VRK2: variants seen among roughly 807,000 people sequenced by gnomAD.
VRK2 encodes the protein serine/threonine-protein kinase VRK2.
In VRK2, 60 loss-of-function variants were observed where a neutral mutation model predicts 57.6. That is an observed-to-expected ratio of 1.04 (90% CI 0.85 to 1.29). The LOEUF (loss-of-function observed/expected upper bound fraction) is 1.29, where lower values mean the gene tolerates loss of function less well. Among genes scored for constraint, VRK2 ranks in the 50% most tolerant of loss-of-function variants. VRK2 has a pLI of 0.00. For missense variants in VRK2, 705 were observed against 588.1 expected (o/e 1.20, Z -2.06); for synonymous variants, 231 against 199.2 (o/e 1.16, Z -1.35).
chr2:58,080,436 C>T (rs1670699072), intron 2 of VRK2, among the ~76,000 whole-genome samples: 1 of 151,856 alleles, frequency 6.6e-6, no homozygotes, highest in African/African-American at 2.4e-5. Context: ...CTTGCCTATA[C>T]ATTATGGGAC....
At chr2:58,072,660 C>G (rs1669516466) in intron 2 of VRK2, among the ~76,000 whole-genome samples, 1 of 151,680 alleles carries the variant, frequency 6.6e-6, no homozygotes, top group Non-Finnish European at 1.5e-5. Flanking sequence ...ATTTGATTTG[C>G]TAATGTTTTG....
chr2:58,148,597 A>G (rs1187800069), intron 12 of VRK2, among the ~76,000 whole-genome samples: 5 of 151,738 alleles, frequency 3.3e-5, no homozygotes, highest in East Asian at 3.9e-4. Context: ...ACCTTTGCCT[A>G]CCTCAAGGTC....
rs397868874 is a variant in VRK2, at chr2:58,120,184, C to CTTTTTTTTTTTTTTTTTTTTTTTTTTTTT, written c.544-2893_544-2892insTTTTTTTTTTTTTTTTTTTTTTTTTTTTT. Among the ~76,000 whole-genome samples, 55 of 51,980 alleles carry CTTTTTTTTTTTTTTTTTTTTTTTTTTTTT rather than the reference C, an allele frequency of 1.1e-3. 12 individuals carry two copies. Among genetic ancestry groups the CTTTTTTTTTTTTTTTTTTTTTTTTTTTTT allele is most frequent in the African/African-American group, 4.3e-3 (41 of 9,642 alleles). 34.1% of individuals were successfully genotyped at this position (51,980 alleles called of 152,430 possible). ...CTTTTTGTCTATTTTTTTTTCTTTTCTTTTTTTTTTTTTTTTTTTTTTTTG... is the reference window on the plus strand; with the variant it reads ...CTTTTTGTCTATTTTTTTTTCTTTTCTTTTTTTTTTTTTTTTTTTTTTTTTTTTTTTTTTTTTTTTTTTTTTTTTTTTTG... On this transcript the variant is annotated intron_variant, in intron 7 of 12. Coordinates refer to ENST00000340157, the MANE Select transcript of VRK2 (RefSeq NM_006296.7).
intron 2 of VRK2, among the ~76,000 whole-genome samples, chr2:58,064,399 C>T (rs549890438): frequency 6.6e-6 from 1 of 152,212 alleles, no homozygotes; most frequent in African/African-American, 2.4e-5. Context: ...CAGCAGCTAT[C>T]CACATCAAGA....
chr2:57,976,485 T>C (rs939396114), intron 1 of VRK2, among the ~76,000 whole-genome samples: 2 of 152,112 alleles, frequency 1.3e-5, no homozygotes, highest in Non-Finnish European at 2.9e-5. Context: ...TTTTTTCGTA[T>C]GCTTGTTAGC....
intron 1 of VRK2, among the ~76,000 whole-genome samples, chr2:57,981,343 G>A (rs1389539021): frequency 6.6e-6 from 1 of 152,138 alleles, no homozygotes; most frequent in Non-Finnish European, 1.5e-5. Context: ...CTTCTACCCT[G>A]GGTGGGTGGA....
At chr2:57,967,242 G>T (rs1671949080) in intron 1 of VRK2, among the ~76,000 whole-genome samples, 1 of 152,104 alleles carries the variant, frequency 6.6e-6, no homozygotes, top group Admixed American at 6.6e-5. Flanking sequence ...GGGGCTAGGG[G>T]AGGGATAGCA....
intron 1 of VRK2, among the ~76,000 whole-genome samples, chr2:58,002,799 C>T (rs756965900): frequency 1.3e-5 from 2 of 152,108 alleles, no homozygotes. Flanking sequence ...AGAAACAATG[C>T]CTCTTTTCAG....
intron 7 of VRK2, 98 bp downstream of exon 7, chr2:58,089,821 G>A (rs1054619870): frequency 1.7e-5 from 13 of 770,238 alleles, no homozygotes; most frequent in Non-Finnish European, 2.2e-5. Context: ...ACAAATGAGG[G>A]CGTAACATGA....
chr2:57,959,684 A>T (rs570178247), intron 1 of VRK2, among the ~76,000 whole-genome samples: 1 of 152,284 alleles, frequency 6.6e-6, no homozygotes, highest in South Asian at 2.1e-4. Flanking sequence ...GAAGCTCAAG[A>T]CAGCTTAATT....
intron 1 of VRK2, among the ~76,000 whole-genome samples, chr2:57,959,348 G>C (rs1193138730): frequency 6.6e-6 from 1 of 152,134 alleles, no homozygotes; most frequent in Non-Finnish European, 1.5e-5. Context: ...CATAAAATTA[G>C]GAACAAAAGA....
At chr2:58,124,983 G>C (rs1326121053) in intron 8 of VRK2, among the ~76,000 whole-genome samples, 1 of 151,992 alleles carries the variant, frequency 6.6e-6, no homozygotes, top group Non-Finnish European at 1.5e-5. Flanking sequence ...TAAGAAATGA[G>C]AATTAAATGC....
At position 58,048,858 on chromosome 2, in the gene VRK2, C is replaced by A; in HGVS notation, c.27C>A (p.Tyr9Ter). 6.2e-7 allele frequency: 1 copy of A among 1,613,840 alleles called. No individual in the cohort carries two copies. Among genetic ancestry groups the A allele is most frequent in the East Asian group, 2.2e-5 (1 of 44,840 alleles). Residue 9 changes from tyrosine to a stop codon, truncating the protein, a stop_gained, in exon 2 of 13, where the codon TAC (tyrosine) becomes TAA (stop). Transcript: ENST00000340157. LOFTEE classifies it high-confidence loss of function. MPPKRNEK[Y>*]KLPIPFPEGK... ...TGCCACCAAAAAGAAATGAAAAATA[C>A]AAACTTCCTATTCCATTTCCAGAAG...
At chr2:58,137,111 TATATC>T (rs1441800099) in intron 10 of VRK2, among the ~76,000 whole-genome samples, 53 of 121,810 alleles carry the variant, frequency 4.4e-4, no homozygotes, top group Middle Eastern at 7.8e-3. Context: ...ATATATAACA[TATATC>T]ATATATGTGT....
chr2:57,926,000 G>A lies in VRK2; in HGVS notation c.-439+18161G>A, dbSNP rs184502148. On this transcript the variant is annotated intron_variant, in intron 1 of 15. Coordinates refer to the VRK2 transcript ENST00000417641. Reference sequence around the variant, plus strand: ...TTTTCATTGACCCACTGGTCATTCAGGAGCATACTGTTTAATTTCCATGTG... The same window carrying A: ...TTTTCATTGACCCACTGGTCATTCAAGAGCATACTGTTTAATTTCCATGTG... 1.8e-4 allele frequency among the ~76,000 whole-genome samples: 27 copies of A among 152,000 alleles called. 1 individual carries two copies. Among genetic ancestry groups the A allele is most frequent in the East Asian group, 5.8e-4 (3 of 5,176 alleles).
At chr2:57,938,269 A>C (rs1175309598) in intron 1 of VRK2, among the ~76,000 whole-genome samples, 2 of 152,200 alleles carry the variant, frequency 1.3e-5, no homozygotes, top group African/African-American at 4.8e-5. Flanking sequence ...AATAAATGTT[A>C]ATCGATAATA....
At chr2:57,964,879 CAAAAAAA>C (rs540446220) in intron 1 of VRK2, among the ~76,000 whole-genome samples, 3 of 47,866 alleles carry the variant, frequency 6.3e-5, no homozygotes, top group African/African-American at 8.4e-5. Flanking sequence ...GAATCCATCT[CAAAAAAA>C]AAAAAAAAAA....
intron 8 of VRK2, among the ~76,000 whole-genome samples, chr2:58,127,408 T>TCA (rs146352894): frequency 6.6e-6 from 1 of 152,080 alleles, no homozygotes; most frequent in East Asian, 1.9e-4. Flanking sequence ...TTCCTAAGTT[T>TCA]CACACACACA....
chr2:57,996,429 G>A (rs73942271), intron 1 of VRK2, among the ~76,000 whole-genome samples: 3,770 of 152,304 alleles, frequency 0.025, 152 homozygotes, highest in African/African-American at 0.086. Context: ...GCCAATCTCT[G>A]ACCAGAGCCA....
Sources: allele counts gnomAD v4.1 joint callset (sites outside exome capture counted in the v4.1 genomes callset), GRCh38; gene constraint gnomAD v4.1.1; transcripts MANE v1.5; gene names NCBI Gene and HGNC (gene_info 2026-07-23, HGNC 2026-07-21).